DDC: variants seen among roughly 807,000 people sequenced by gnomAD.
DDC encodes the protein aromatic-L-amino-acid decarboxylase.
DDC carries 43 observed loss-of-function variants against 60.0 expected under a neutral mutation model. The ratio of observed to expected loss-of-function variants is 0.72; its 90% CI spans 0.56 to 0.92. The LOEUF is 0.92. Among genes scored for constraint, DDC ranks in the 40% least tolerant of loss-of-function variants. The probability of loss-of-function intolerance (pLI) is 0.00; values close to 1 mark genes in which losing one functional copy is unlikely to be tolerated. For synonymous variants in DDC, 232 were observed against 234.6 expected, an observed-to-expected ratio of 0.99 and a Z score of 0.10; for missense variants, 573 against 620.2, an observed-to-expected ratio of 0.92 and a Z score of 0.81.
intron 14 of DDC, among the ~76,000 whole-genome samples, chr7:50,461,099 T>G (rs1425757620): frequency 6.6e-6 from 1 of 151,854 alleles, no homozygotes; most frequent in Non-Finnish European, 1.5e-5. Context: ...GAATAAGAAT[T>G]GCATGTACTT....
chr7:50,489,023 T>C (rs1259623487), intron 9 of DDC, among the ~76,000 whole-genome samples: 1 of 147,970 alleles, frequency 6.8e-6, no homozygotes, highest in East Asian at 2.0e-4. Flanking sequence ...TTGTTTGTTT[T>C]TGAGATGGAG....
At position 50,476,607 on chromosome 7, in the gene DDC, T is replaced by A; in HGVS notation, c.1041+17A>T. The A allele has an allele frequency of 1.9e-6, 3 of 1,609,056 alleles. 1 individual carries two copies. In the South Asian group the frequency reaches 3.3e-5, roughly 18 times the overall value. ...ACTCCACTAGCATTTGAGATTACAG[T>A]GGAATCTCCCACTTACCCGGTAGTC... On this transcript the variant is annotated intron_variant, in intron 11 of 14. Coordinates refer to ENST00000444124, the MANE Select transcript of DDC (RefSeq NM_001082971.2).
intron 1 of DDC, among the ~76,000 whole-genome samples, chr7:50,556,835 C>T (rs1488526302): frequency 2.6e-5 from 4 of 152,172 alleles, no homozygotes; most frequent in African/African-American, 9.7e-5. Context: ...TTCCACAGGA[C>T]AGTCCTCCTC....
intron 4 of DDC, among the ~76,000 whole-genome samples, chr7:50,535,642 G>A (rs752344698): frequency 1.2e-4 from 19 of 152,314 alleles, no homozygotes; most frequent in African/African-American, 2.2e-4. Flanking sequence ...ATGAATTAGC[G>A]TTCACATTTT....
intron 10 of DDC, among the ~76,000 whole-genome samples, chr7:50,478,077 G>A (rs2042687938): frequency 6.6e-6 from 1 of 151,850 alleles, no homozygotes; most frequent in Non-Finnish European, 1.5e-5. Flanking sequence ...TCTGGGCCTT[G>A]TGCTGTACGT....
At chr7:50,553,484 C>CTTTTTTTTTTTTTTT (rs5884158) in intron 1 of DDC, among the ~76,000 whole-genome samples, 40 of 90,922 alleles carry the variant, frequency 4.4e-4, no homozygotes, top group Admixed American at 5.7e-4. Context: ...TCTTTCTTTT[C>CTTTTTTTTTTTTTTT]TTTTTTTTTT....
chr7:50,482,544 A>G (rs923530893), intron 9 of DDC, among the ~76,000 whole-genome samples: 1 of 152,142 alleles, frequency 6.6e-6, no homozygotes, highest in African/African-American at 2.4e-5. Flanking sequence ...ACACACGTTG[A>G]TATTTAAGGA....
chr7:50,460,234 G>T (rs149008756), intron 14 of DDC, among the ~76,000 whole-genome samples: 76,703 of 125,882 alleles, frequency 0.61, 24,854 homozygotes, highest in Admixed American at 0.71. Flanking sequence ...GGAGGGAGGT[G>T]GGGGGTCAGC....
intron 6 of DDC, among the ~76,000 whole-genome samples, chr7:50,520,951 T>C (rs986704353): frequency 2.0e-5 from 3 of 150,264 alleles, no homozygotes; most frequent in African/African-American, 7.3e-5. Flanking sequence ...AAATGCAATG[T>C]AAGCAGAAGA....
At chr7:50,492,553 C>A in intron 9 of DDC, 1 of 355,986 alleles carries the variant, frequency 2.8e-6, no homozygotes. Flanking sequence ...TTGCAACCAC[C>A]CTGCCCCACC....
At chr7:50,496,493 A>G (rs1229191292) in intron 8 of DDC, among the ~76,000 whole-genome samples, 1 of 152,172 alleles carries the variant, frequency 6.6e-6, no homozygotes, top group African/African-American at 2.4e-5. Flanking sequence ...GGCTGCATGC[A>G]TCAGTGTTAG....
intron 9 of DDC, among the ~76,000 whole-genome samples, chr7:50,486,224 T>C (rs928439968): frequency 3.3e-5 from 5 of 152,248 alleles, no homozygotes; most frequent in Non-Finnish European, 7.3e-5. Flanking sequence ...GTGGGTTCTA[T>C]GTGCATCTTT....
At chr7:50,513,713 C>T (rs1226239604) in intron 6 of DDC, among the ~76,000 whole-genome samples, 1 of 152,066 alleles carries the variant, frequency 6.6e-6, no homozygotes, top group African/African-American at 2.4e-5. Context: ...TTCCCTACTT[C>T]TCTGACAACC....
At chr7:50,534,798 G>A (rs1217262782) in intron 4 of DDC, among the ~76,000 whole-genome samples, 2 of 152,198 alleles carry the variant, frequency 1.3e-5, no homozygotes, top group African/African-American at 4.8e-5. Flanking sequence ...GTCCCACTGG[G>A]TCGCTGAGTG....
At chr7:50,488,071 G>A (rs1359689617) in intron 9 of DDC, among the ~76,000 whole-genome samples, 1 of 152,034 alleles carries the variant, frequency 6.6e-6, no homozygotes, top group African/African-American at 2.4e-5. Context: ...GTAAACACCT[G>A]AAATTCGCAG....
chr7:50,472,607 C>G lies in DDC; in HGVS notation c.1042-2436G>C, dbSNP rs78654235. ...AGGTTCAGCAAACTTTTCTGAACCTCTGTCTCCTCCCCTATGAAACAGGCA... is the reference window on the plus strand; with the variant it reads ...AGGTTCAGCAAACTTTTCTGAACCTGTGTCTCCTCCCCTATGAAACAGGCA... On this transcript the variant is annotated intron_variant, in intron 11 of 14. Transcript: ENST00000444124. Among the ~76,000 whole-genome samples, 461 of 152,266 alleles carry G rather than the reference C, an allele frequency of 3.0e-3. 3 individuals carry two copies. The highest frequency in any genetic ancestry group is 0.011 in the African/African-American group (440 of 41,548).
At chr7:50,563,664 C>T (rs558382143) in intron 1 of DDC, among the ~76,000 whole-genome samples, 35 of 152,248 alleles carry the variant, frequency 2.3e-4, no homozygotes, top group African/African-American at 7.0e-4. Flanking sequence ...TGCAGTGACT[C>T]GATCTCGGCT....
At chr7:50,501,453 T>C (rs2043254925) in intron 7 of DDC, among the ~76,000 whole-genome samples, 1 of 152,146 alleles carries the variant, frequency 6.6e-6, no homozygotes, top group Non-Finnish European at 1.5e-5. Flanking sequence ...AGCAGACCAA[T>C]CTGAATACCC....
At chr7:50,469,986 A>AG in intron 12 of DDC, 87 bp downstream of exon 12, 9 of 947,460 alleles carry the variant, frequency 9.5e-6, no homozygotes, top group South Asian at 8.6e-5. Context: ...TCTCAAAAAA[A>AG]AAAAAAGAAA....
Sources: allele counts gnomAD v4.1 joint callset (sites outside exome capture counted in the v4.1 genomes callset), GRCh38; gene constraint gnomAD v4.1.1; transcripts MANE v1.5; gene names NCBI Gene and HGNC (gene_info 2026-07-23, HGNC 2026-07-21).